ST8SIA1: variants seen among roughly 807,000 people sequenced by gnomAD.
The protein encoded by ST8SIA1 is ST8 alpha-N-acetyl-neuraminide alpha-2,8-sialyltransferase 1.
In ST8SIA1, 16 loss-of-function variants were observed where a neutral mutation model predicts 35.9. The ratio of observed to expected loss-of-function variants is 0.45; its 90% CI spans 0.30 to 0.68. The LOEUF (loss-of-function observed/expected upper bound fraction) is 0.68. Ranked by LOEUF, ST8SIA1 falls within the 30% of genes least tolerant of loss-of-function variation. ST8SIA1 has a pLI of 0.09. For missense variants in ST8SIA1, 383 were observed against 453.6 expected (o/e 0.84, Z 1.41); for synonymous variants, 170 against 169.6 (o/e 1.00, Z -0.02).
chr12:22,255,218 T>C, intron 3 of ST8SIA1, 62 bp downstream of exon 3: 1 of 1,365,902 alleles, frequency 7.3e-7, no homozygotes, highest in South Asian at 1.2e-5. Context: ...GCCCCAGGGC[T>C]TATGGGAGGG....
intron 4 of ST8SIA1, among the ~76,000 whole-genome samples, chr12:22,217,626 G>T (rs957087128): frequency 6.6e-6 from 1 of 152,076 alleles, no homozygotes; most frequent in Non-Finnish European, 1.5e-5. Flanking sequence ...TAATAATAGC[G>T]TGTATTTCAT....
intron 2 of ST8SIA1, among the ~76,000 whole-genome samples, chr12:22,258,541 G>T (rs1452311690): frequency 6.6e-6 from 1 of 152,062 alleles, no homozygotes; most frequent in Non-Finnish European, 1.5e-5. Context: ...GATAGATTAA[G>T]TAAGACAACA....
intron 2 of ST8SIA1, among the ~76,000 whole-genome samples, chr12:22,266,086 T>G (rs1470483417): frequency 6.6e-5 from 10 of 152,010 alleles, no homozygotes; most frequent in Admixed American, 6.6e-4. Flanking sequence ...CAGCCTGAAT[T>G]TCTTGTCTCC....
intron 1 of ST8SIA1, chr12:22,333,765 T>G (rs965197269): frequency 3.0e-5 from 22 of 733,576 alleles, no homozygotes; most frequent in Non-Finnish European, 5.2e-5. Flanking sequence ...GCGTCGAGTC[T>G]TTACATGCGC....
chr12:22,201,548 G>T lies in ST8SIA1; in HGVS notation c.*4C>A, dbSNP rs976803486. The stretch of plus-strand genomic sequence containing the variant: ...TGGTTCAGTCCTTTCTTCTTCCATT[G>T]TTCCTAGGAAGTGGGCTGGAGTGAG... On this transcript the variant is annotated 3_prime_UTR_variant, in exon 5 of 5. Coordinates refer to ENST00000396037, the MANE Select transcript of ST8SIA1 (RefSeq NM_003034.4). 4.4e-6 allele frequency: 7 copies of T among 1,597,012 alleles called. No individual in the cohort carries two copies. In the African/African-American group the frequency reaches 9.4e-5, roughly 21 times the overall value.
In ST8SIA1 at chr12:22,193,514, A is replaced by G. The variant is rs111631714; in HGVS notation, c.*8038T>C. On this transcript the variant is annotated 3_prime_UTR_variant, in exon 5 of 5. Coordinates refer to ENST00000396037, the MANE Select transcript of ST8SIA1 (RefSeq NM_003034.4). Reference sequence around the variant, plus strand: ...ATAATTACAATGAATACACCAAAGAAAAAGACATGTTTTTACAGCAAACCT... The same window carrying G: ...ATAATTACAATGAATACACCAAAGAGAAAGACATGTTTTTACAGCAAACCT... The G allele has an allele frequency of 1.3e-5, 2 of 152,234 alleles. No homozygotes were observed. Among genetic ancestry groups the G allele is most frequent in the African/African-American group, 4.8e-5 (2 of 41,464 alleles). 9.4% of individuals were successfully genotyped at this position (152,234 alleles called of 1,614,324 possible).
At chr12:22,239,750 G>A (rs1865519202) in intron 4 of ST8SIA1, among the ~76,000 whole-genome samples, 1 of 152,154 alleles carries the variant, frequency 6.6e-6, no homozygotes, top group South Asian at 2.1e-4. Context: ...CATAGTATGT[G>A]AGAATTCTAT....
intron 2 of ST8SIA1, 61 bp downstream of exon 2, chr12:22,287,088 C>T (rs1866109288): frequency 6.6e-7 from 1 of 1,513,884 alleles, no homozygotes; most frequent in Non-Finnish European, 8.9e-7. Flanking sequence ...TCAATTATCC[C>T]TTTTCTATGA....
chr12:22,241,598 A>ATTTTTTTT (rs71053392), intron 4 of ST8SIA1, among the ~76,000 whole-genome samples: 1 of 104,378 alleles, frequency 9.6e-6, no homozygotes, highest in African/African-American at 3.6e-5. Context: ...AGACTCCGGT[A>ATTTTTTTT]TTTTTTTTTT....
intron 4 of ST8SIA1, among the ~76,000 whole-genome samples, chr12:22,211,642 T>A (rs1455100049): frequency 6.6e-6 from 1 of 152,238 alleles, no homozygotes; most frequent in Non-Finnish European, 1.5e-5. Context: ...AAATATGTCC[T>A]TTTAAAAGGT....
intron 4 of ST8SIA1, among the ~76,000 whole-genome samples, chr12:22,234,308 C>A (rs1865452274): frequency 6.6e-6 from 1 of 151,886 alleles, no homozygotes; most frequent in Non-Finnish European, 1.5e-5. Flanking sequence ...AAAAACACTG[C>A]CAATAAAACC....
chr12:22,319,867 A>C (rs1866564434), intron 1 of ST8SIA1, among the ~76,000 whole-genome samples: 1 of 152,100 alleles, frequency 6.6e-6, no homozygotes, highest in African/African-American at 2.4e-5. Context: ...CGAGCTTCCT[A>C]AGCAAGAAGA....
chr12:22,215,759 A>G (rs138497569), intron 4 of ST8SIA1, among the ~76,000 whole-genome samples: 1 of 152,352 alleles, frequency 6.6e-6, no homozygotes, highest in East Asian at 1.9e-4. Flanking sequence ...CCAGTTGGTC[A>G]CTAAGTTCCA....
chr12:22,301,101 T>A (rs1465354936), intron 1 of ST8SIA1, among the ~76,000 whole-genome samples: 2 of 152,098 alleles, frequency 1.3e-5, no homozygotes, highest in African/African-American at 4.8e-5. Flanking sequence ...CTTTGTCAAT[T>A]GTGTCTTTGA....
chr12:22,214,135 T>G (rs774995495), intron 4 of ST8SIA1, among the ~76,000 whole-genome samples: 1 of 151,980 alleles, frequency 6.6e-6, no homozygotes, highest in Non-Finnish European at 1.5e-5. Context: ...ACTGACAAAT[T>G]ATCGCACTTA....
intron 2 of ST8SIA1, among the ~76,000 whole-genome samples, chr12:22,256,598 G>A (rs1336615339): frequency 6.6e-6 from 1 of 152,156 alleles, no homozygotes; most frequent in African/African-American, 2.4e-5. Flanking sequence ...GCCTCATATA[G>A]GCAGGAAGTA....
At position 22,255,310 on chromosome 12, in the gene ST8SIA1, C is replaced by T. The variant is rs1555157412; in HGVS notation, c.461G>A (p.Arg154His). ...GACAAAATTTGCTTCATCTATTTGA[C>T]GGCCACAGCCACTCTTCTTCAGAAT... Reference protein sequence around the residue: ...GGILKKSGCGRQIDEANFVMR... With the variant: ...GGILKKSGCGHQIDEANFVMR... The change falls in exon 3 of 5, where the codon CGT becomes CAT. Residue 154 changes from arginine to histidine, a missense_variant. By Grantham distance (29) the Arg-to-His change is conservative. Coordinates refer to ENST00000396037, the MANE Select transcript of ST8SIA1 (RefSeq NM_003034.4). 6.2e-6 allele frequency: 10 copies of T among 1,614,046 alleles called. No homozygotes were observed. The highest frequency in any genetic ancestry group is 3.3e-5 in the Admixed American group (2 of 60,000).
chr12:22,211,847 G>A (rs1377646608), intron 4 of ST8SIA1, among the ~76,000 whole-genome samples: 5 of 152,244 alleles, frequency 3.3e-5, no homozygotes, highest in African/African-American at 1.2e-4. Context: ...GAGTAGCTGG[G>A]ACTTCAGGTG....
In ST8SIA1 at chr12:22,199,238, C is replaced by T. The variant is rs1196712217; in HGVS notation, c.*2314G>A. ...TGGCACCATCTTGGCTCACTGCAAC[C>T]TCCACTTCCTGGGTTTAAGAGATTC... On this transcript the variant is annotated 3_prime_UTR_variant, in exon 5 of 5. Coordinates refer to ENST00000396037, the MANE Select transcript of ST8SIA1 (RefSeq NM_003034.4). 2 of 150,704 alleles carry T rather than the reference C, an allele frequency of 1.3e-5. No individual in the cohort carries two copies. Among genetic ancestry groups the T allele is most frequent in the African/African-American group, 2.4e-5 (1 of 41,076 alleles). The allele number at this position is 150,704 out of a possible 1,614,324, so 9.3% of individuals were successfully genotyped here.
Sources: gnomAD v4.1 joint callset for allele counts (sites outside exome capture counted in the v4.1 genomes callset) on GRCh38, gnomAD v4.1.1 for gene constraint, MANE v1.5 for transcripts, NCBI Gene and HGNC (gene_info 2026-07-23, HGNC 2026-07-21) for gene names.